TMEM74: variants seen among roughly 807,000 people sequenced by gnomAD.
TMEM74 encodes transmembrane protein 74.
TMEM74 carries 13 observed loss-of-function variants against 18.1 expected under a neutral mutation model. That is an observed-to-expected ratio of 0.72 (90% CI 0.47 to 1.14). The LOEUF (loss-of-function observed/expected upper bound fraction) is 1.14. TMEM74 is among the 50% of genes most tolerant of loss of function. The probability of loss-of-function intolerance (pLI) is 0.00; values close to 1 mark genes in which losing one functional copy is unlikely to be tolerated. For missense variants in TMEM74, 372 were observed against 375.9 expected (o/e 0.99, Z 0.09); for synonymous variants, 159 against 146.6 (o/e 1.08, Z -0.61).
intron 1 of TMEM74, among the ~76,000 whole-genome samples, chr8:108,677,760 ATTACTT>A (rs1330604823): frequency 6.6e-6 from 1 of 152,066 alleles, no homozygotes; most frequent in Non-Finnish European, 1.5e-5. Context: ...TGATCAGCAT[ATTACTT>A]TTACTTGAGC....
chr8:108,654,964 T>C (rs948034995), intron 2 of TMEM74, among the ~76,000 whole-genome samples: 2 of 152,174 alleles, frequency 1.3e-5, no homozygotes, highest in Non-Finnish European at 2.9e-5. Context: ...TATGTAGAAA[T>C]ACATCAGTAA....
Position 108,657,859 on chromosome 8 carries a change from AATATATATATATATATATAT to A in TMEM74, n.120-2442_120-2423del, listed in dbSNP as rs1175396487. 4.2e-3 allele frequency among the ~76,000 whole-genome samples: 210 copies of A among 49,892 alleles called. 21 individuals carry two copies. The highest frequency in any genetic ancestry group is 0.016 in the African/African-American group (203 of 12,332). The allele number at this position is 49,892 out of a possible 152,430, so 32.7% of individuals were successfully genotyped here. A position where few individuals can be genotyped will look rare whatever the true frequency, so the allele number is the denominator to read the frequency against. ...CACCGTCTCAAAAAAAAAAAAAAAA[AATATATATATATATATATAT>A]ATATATATATATATATATATATATT... is the stretch of plus-strand genomic sequence containing the variant. On this transcript the variant is annotated intron_variant and non_coding_transcript_variant, in intron 1 of 3. Transcript: ENST00000518838.
At chr8:108,777,885 T>C (rs1032545247), downstream of TMEM74, among the ~76,000 whole-genome samples, 9 of 152,180 alleles carry the variant, frequency 5.9e-5, no homozygotes, top group Admixed American at 1.3e-4. Flanking sequence ...CTTCCTCCTG[T>C]CCATGAGTTG....
intron 1 of TMEM74, among the ~76,000 whole-genome samples, chr8:108,703,611 T>G (rs187584843): frequency 2.0e-5 from 3 of 152,304 alleles, no homozygotes; most frequent in Admixed American, 1.3e-4. Flanking sequence ...GCTCCAAAGA[T>G]AGATTTGCCT....
intron 2 of TMEM74, among the ~76,000 whole-genome samples, chr8:108,635,314 C>A (rs1586242024): frequency 6.6e-6 from 1 of 151,844 alleles, no homozygotes; most frequent in Non-Finnish European, 1.5e-5. Context: ...GGCTTTCCAC[C>A]AGAGAGACTG....
At chr8:108,721,769 C>T (rs2130631852) in intron 1 of TMEM74, among the ~76,000 whole-genome samples, 1 of 152,300 alleles carries the variant, frequency 6.6e-6, no homozygotes, top group Non-Finnish European at 1.5e-5. Flanking sequence ...GTAAAAGGGA[C>T]ATTCAGATTT....
At chr8:108,686,023 CT>C (rs1451928167) in intron 1 of TMEM74, among the ~76,000 whole-genome samples, 2 of 151,964 alleles carry the variant, frequency 1.3e-5, no homozygotes, top group Non-Finnish European at 2.9e-5. Context: ...GTTAATTAAA[CT>C]TAAATAAATG....
At chr8:108,771,661 A>G (rs911769622) in intron 1 of TMEM74, among the ~76,000 whole-genome samples, 1 of 152,236 alleles carries the variant, frequency 6.6e-6, no homozygotes, top group Non-Finnish European at 1.5e-5. Flanking sequence ...AATTATGTTT[A>G]GTGGTTGTAC....
At chr8:108,701,084 C>T (rs2130615293) in intron 1 of TMEM74, among the ~76,000 whole-genome samples, 1 of 150,720 alleles carries the variant, frequency 6.6e-6, no homozygotes, top group South Asian at 2.1e-4. Flanking sequence ...GTTGAGTCAA[C>T]ATTTGAAAAT....
intron 1 of TMEM74, among the ~76,000 whole-genome samples, chr8:108,685,616 G>A (rs1244361759): frequency 1.3e-5 from 2 of 152,040 alleles, no homozygotes; most frequent in African/African-American, 4.8e-5. Context: ...TCAAAATAAG[G>A]GTGCCTAATT....
rs1278630433 is a variant in TMEM74, at chr8:108,781,578, A to C, written c.*2603T>G. 2.0e-5 allele frequency among the ~76,000 whole-genome samples: 3 copies of C among 152,210 alleles called. No homozygotes were observed. The highest frequency in any genetic ancestry group is 4.4e-5 in the Non-Finnish European group (3 of 68,036). Reference sequence around the variant, plus strand: ...AAAAGAAGTCATTCAGATGATTTTCAAAATCATGTAATGTGTAATGGTTTG... The same window carrying C: ...AAAAGAAGTCATTCAGATGATTTTCCAAATCATGTAATGTGTAATGGTTTG... On this transcript the variant is annotated 3_prime_UTR_variant, in exon 2 of 2. Transcript: ENST00000297459.
intron 1 of TMEM74, among the ~76,000 whole-genome samples, chr8:108,729,463 T>A (rs933207059): frequency 2.4e-4 from 37 of 152,210 alleles, no homozygotes; most frequent in African/African-American, 8.4e-4. Flanking sequence ...GTTCATCACA[T>A]CTGCAAAGTT....
At chr8:108,613,429 G>T (rs1044049417) in intron 2 of TMEM74, among the ~76,000 whole-genome samples, 2 of 152,188 alleles carry the variant, frequency 1.3e-5, no homozygotes, top group African/African-American at 4.8e-5. Flanking sequence ...ATCCAATCAG[G>T]AATCAATTAA....
chr8:108,746,837 T>C (rs915958691), intron 1 of TMEM74, among the ~76,000 whole-genome samples: 13 of 152,136 alleles, frequency 8.5e-5, no homozygotes, highest in African/African-American at 2.7e-4. Context: ...ATCCAGGCTG[T>C]TGAGCACCTG....
At chr8:108,632,194 T>G (rs1812559458) in intron 2 of TMEM74, among the ~76,000 whole-genome samples, 1 of 151,884 alleles carries the variant, frequency 6.6e-6, no homozygotes, top group African/African-American at 2.4e-5. Flanking sequence ...ACAGGACATG[T>G]GAATGAATTT....
At chr8:108,690,439 G>T (rs753588381) in intron 1 of TMEM74, among the ~76,000 whole-genome samples, 1 of 151,394 alleles carries the variant, frequency 6.6e-6, no homozygotes, top group Non-Finnish European at 1.5e-5. Flanking sequence ...TGCCATCAGA[G>T]TGATAGTCAT....
At chr8:108,689,098 T>C (rs1813199638) in intron 1 of TMEM74, among the ~76,000 whole-genome samples, 1 of 152,226 alleles carries the variant, frequency 6.6e-6, no homozygotes, top group Admixed American at 6.5e-5. Flanking sequence ...TAAGTGACTC[T>C]TCCCAGAACA....
intron 1 of TMEM74, among the ~76,000 whole-genome samples, chr8:108,665,461 A>G (rs1475664262): frequency 6.6e-6 from 1 of 152,188 alleles, no homozygotes; most frequent in African/African-American, 2.4e-5. Flanking sequence ...AGGAGAGCAC[A>G]GTAGAGAACT....
At chr8:108,685,799 C>T (rs7013504) in intron 1 of TMEM74, among the ~76,000 whole-genome samples, 67,185 of 151,822 alleles carry the variant, frequency 0.44, 15,251 homozygotes, top group East Asian at 0.7. Flanking sequence ...TGTCAAAATA[C>T]AAAACTCAAT....
Sources: allele counts gnomAD v4.1 joint callset (sites outside exome capture counted in the v4.1 genomes callset), GRCh38; gene constraint gnomAD v4.1.1; transcripts MANE v1.5; gene names NCBI Gene and HGNC (gene_info 2026-07-23, HGNC 2026-07-21).